The following MAPT variants were observed in gnomAD, a reference collection of about 807,000 sequenced individuals.
MAPT encodes the protein microtubule-associated protein tau.
Under a neutral mutation model 67.9 loss-of-function variants are expected in MAPT, and 34 were observed. The observed-to-expected ratio is 0.50, with a 90% CI of 0.38 to 0.67. The LOEUF (loss-of-function observed/expected upper bound fraction) is 0.67, where lower values mean the gene tolerates loss of function less well. Ranked by LOEUF, MAPT falls within the 30% of genes least tolerant of loss-of-function variation. The probability of loss-of-function intolerance (pLI) is 0.00; values close to 1 mark genes in which losing one functional copy is unlikely to be tolerated. For synonymous variants in MAPT, 456 were observed against 464.5 expected, an observed-to-expected ratio of 0.98 and a Z score of 0.23; for missense variants, 881 against 1,115.2, an observed-to-expected ratio of 0.79 and a Z score of 2.99.
At chr17:45,953,003 T>TATGATGATGATGATGATGATG (rs72430786) in intron 1 of MAPT, among the ~76,000 whole-genome samples, 1 of 149,420 alleles carries the variant, frequency 6.7e-6, no homozygotes, top group Non-Finnish European at 1.5e-5. Context: ...TCATAACACC[T>TATGATGATGATGATGATGATG]ATGATGATGA....
At chr17:45,950,851 CG>C (rs1393836168) in intron 1 of MAPT, among the ~76,000 whole-genome samples, 2 of 151,902 alleles carry the variant, frequency 1.3e-5, no homozygotes. Flanking sequence ...TTAGTAGAGA[CG>C]GGGTTTCACC....
chr17:45,989,767 C>T, intron 6 of MAPT, 111 bp from the exon 7 acceptor site: 1 of 971,222 alleles, frequency 1.0e-6, no homozygotes, highest in Non-Finnish European at 1.6e-6. Context: ...GAGATCACTG[C>T]TTTCAACCAT....
chr17:45,901,192 G>C (rs1242947276), intron 1 of MAPT, among the ~76,000 whole-genome samples: 1 of 152,184 alleles, frequency 6.6e-6, no homozygotes, highest in Non-Finnish European at 1.5e-5. Flanking sequence ...TGCTGTCCCT[G>C]CCTCATCTTC....
At chr17:45,925,950 C>T (rs1040867498) in intron 1 of MAPT, among the ~76,000 whole-genome samples, 1 of 152,130 alleles carries the variant, frequency 6.6e-6, no homozygotes, top group African/African-American at 2.4e-5. Context: ...GTGGCTCACA[C>T]CTGTAATAGC....
intron 6 of MAPT, among the ~76,000 whole-genome samples, chr17:45,987,661 G>A (rs2073691051): frequency 1.3e-5 from 2 of 152,236 alleles, no homozygotes; most frequent in Non-Finnish European, 2.9e-5. Flanking sequence ...CATAAATTCT[G>A]TCTGAAACAC....
intron 12 of MAPT, among the ~76,000 whole-genome samples, chr17:46,019,951 G>A (rs1381043359): frequency 1.3e-5 from 2 of 150,544 alleles, no homozygotes; most frequent in East Asian, 4.0e-4. Flanking sequence ...GACAGAGGTT[G>A]TAGTGAGCCG....
chr17:45,994,101 C>A, intron 8 of MAPT: 1 of 880,248 alleles, frequency 1.1e-6, no homozygotes, highest in Non-Finnish European at 1.7e-6. Context: ...GGTTCGCAGC[C>A]TGAAGATGGA....
At chr17:45,982,797 G>T in intron 4 of MAPT, 69 bp from the exon 5 acceptor site, 1 of 834,190 alleles carries the variant, frequency 1.2e-6, no homozygotes, top group Non-Finnish European at 1.5e-6. Context: ...TGTCCAGGAT[G>T]ATGCTCCCTC....
intron 3 of MAPT, chr17:45,975,444 C>A: frequency 6.6e-6 from 1 of 152,326 alleles, no homozygotes. Context: ...TGACTTGATC[C>A]GTGAAGTCCC....
At chr17:45,986,967 C>A in intron 5 of MAPT, 73 bp from the exon 6 acceptor site, 1 of 1,358,434 alleles carries the variant, frequency 7.4e-7, no homozygotes, top group Non-Finnish European at 1.0e-6. Context: ...AGAAATCCAG[C>A]TTCACCACAG....
chr17:46,001,491 A>G (rs941293710), intron 9 of MAPT, among the ~76,000 whole-genome samples: 4 of 152,206 alleles, frequency 2.6e-5, no homozygotes, highest in Admixed American at 6.5e-5. Context: ...AAAACAACAT[A>G]TAACAGCATT....
chr17:45,938,046 A>C (rs2067512211), intron 1 of MAPT, among the ~76,000 whole-genome samples: 1 of 152,174 alleles, frequency 6.6e-6, no homozygotes, highest in Admixed American at 6.5e-5. Context: ...CTTTCCCCCA[A>C]ATCAAGTTGT....
chr17:46,012,160 C>A (rs1044308884), intron 10 of MAPT, among the ~76,000 whole-genome samples: 5 of 152,206 alleles, frequency 3.3e-5, no homozygotes, highest in African/African-American at 1.2e-4. Context: ...TGGTTGAAGT[C>A]AAGTCTGGTG....
chr17:46,020,129 C>T (rs1045262041), intron 12 of MAPT, among the ~76,000 whole-genome samples: 5 of 152,010 alleles, frequency 3.3e-5, no homozygotes, highest in African/African-American at 1.2e-4. Flanking sequence ...GTCATGGGAA[C>T]ATAACCTAAT....
At chr17:45,988,646 C>T (rs1454396685) in intron 6 of MAPT, among the ~76,000 whole-genome samples, 1 of 152,172 alleles carries the variant, frequency 6.6e-6, no homozygotes, top group Non-Finnish European at 1.5e-5. Context: ...ACATTGGAGG[C>T]TTGGCACAGT....
intron 1 of MAPT, among the ~76,000 whole-genome samples, chr17:45,940,601 A>G (rs920737753): frequency 2.6e-5 from 4 of 152,168 alleles, no homozygotes; most frequent in African/African-American, 9.7e-5. Context: ...GGAGTTGGGC[A>G]TGTTCAGCTT....
intron 8 of MAPT, chr17:45,994,076 G>A: frequency 8.3e-7 from 1 of 1,208,970 alleles, no homozygotes. Flanking sequence ...TTTCTGCAAT[G>A]CAGGGTTCAC....
At chr17:46,016,813 C>T (rs1320486960) in intron 11 of MAPT, among the ~76,000 whole-genome samples, 1 of 152,212 alleles carries the variant, frequency 6.6e-6, no homozygotes, top group African/African-American at 2.4e-5. Flanking sequence ...GTCTATACTT[C>T]TTTCTGCAGT....
rs7222106 is a variant in MAPT at position 46,001,664 on chromosome 17, A to G, written c.1998+5000A>G. 2.6e-3 allele frequency among the ~76,000 whole-genome samples: 399 copies of G among 152,314 alleles called. 4 individuals are homozygous for G. Among genetic ancestry groups the G allele is most frequent in the African/African-American group, 9.0e-3 (374 of 41,566 alleles). On this transcript the variant is annotated intron_variant, in intron 9 of 12. Coordinates refer to ENST00000262410, the MANE Select transcript of MAPT (RefSeq NM_001377265.1). ...GGCAACACAGTGAGACTGAGACTCTATTAAAAAAAAAATGCTGGTTCCTTC... is the reference window on the plus strand; with the variant it reads ...GGCAACACAGTGAGACTGAGACTCTGTTAAAAAAAAAATGCTGGTTCCTTC...
Sources: allele counts gnomAD v4.1 joint callset (sites outside exome capture counted in the v4.1 genomes callset), GRCh38; gene constraint gnomAD v4.1.1; transcripts MANE v1.5; gene names NCBI Gene and HGNC (gene_info 2026-07-23, HGNC 2026-07-21).